CAMTA1: variants seen among roughly 807,000 people sequenced by gnomAD.
CAMTA1 encodes the protein calmodulin binding transcription activator 1, also known as calmodulin-binding transcription activator 1.
In CAMTA1, 27 loss-of-function variants were observed where a neutral mutation model predicts 170.9. The ratio of observed to expected loss-of-function variants is 0.16; its 90% CI spans 0.12 to 0.22. The LOEUF is 0.22. Ranked by LOEUF, CAMTA1 falls within the 10% of genes least tolerant of loss-of-function variation. The probability of loss-of-function intolerance (pLI) is 1.00; values close to 1 mark genes in which losing one functional copy is unlikely to be tolerated. For synonymous variants in CAMTA1, 833 were observed against 891.5 expected, an observed-to-expected ratio of 0.93 and a Z score of 1.17; for missense variants, 1,619 against 2,217.2, an observed-to-expected ratio of 0.73 and a Z score of 5.42.
rs1700259092 is a variant in CAMTA1, at chr1:7,014,506, T to C, written c.235-76798T>C. Among the ~76,000 whole-genome samples, 1 of 152,106 alleles carries C rather than the reference T, an allele frequency of 6.6e-6. No individual in the cohort carries two copies. Among genetic ancestry groups the C allele is most frequent in the South Asian group, 2.1e-4 (1 of 4,822 alleles). ...GCCTGCCCCATTAGACAGGGCATGGTGAGGCGAATGGCTGCAGGGACTGAG... is the reference window on the plus strand; with the variant it reads ...GCCTGCCCCATTAGACAGGGCATGGCGAGGCGAATGGCTGCAGGGACTGAG... On this transcript the variant is annotated intron_variant, in intron 3 of 22. Coordinates refer to ENST00000303635, the MANE Select transcript of CAMTA1 (RefSeq NM_015215.4). This position sits in a 1 kb window ranked among gnomAD's most constrained non-coding sequence, Gnocchi z 4.2.
At chr1:6,992,086 T>A (rs1696475931) in intron 3 of CAMTA1, among the ~76,000 whole-genome samples, 1 of 151,524 alleles carries the variant, frequency 6.6e-6, no homozygotes, top group African/African-American at 2.4e-5. Flanking sequence ...ATTTATTTAT[T>A]TTTGAGCTAG....
At chr1:7,355,768 T>C (rs1005769206) in intron 5 of CAMTA1, among the ~76,000 whole-genome samples, 2 of 152,192 alleles carry the variant, frequency 1.3e-5, no homozygotes, top group Admixed American at 6.5e-5. Flanking sequence ...CACTCTAGCC[T>C]CATCTCCCAC....
Position 7,455,717 on chromosome 1 carries a change from G to A in CAMTA1, c.439-12113G>A, listed in dbSNP as rs574295004. Reference sequence around the variant, plus strand: ...CTGGATGCCAGCAGGCTCTGGAGCTGAGTAGTAACCACAGCCAGGAATCCC... The same window carrying A: ...CTGGATGCCAGCAGGCTCTGGAGCTAAGTAGTAACCACAGCCAGGAATCCC... On this transcript the variant is annotated intron_variant, in intron 5 of 22. Transcript: ENST00000303635. This position sits in a 1 kb window ranked among gnomAD's most constrained non-coding sequence, Gnocchi z 5.0. Among the ~76,000 whole-genome samples the A allele has an allele frequency of 6.6e-6, 1 of 152,350 alleles. No individual in the cohort carries two copies. Among genetic ancestry groups the A allele is most frequent in the South Asian group, 2.1e-4 (1 of 4,830 alleles).
chr1:7,310,658 TC>T (rs1676432044), intron 5 of CAMTA1, among the ~76,000 whole-genome samples: 1 of 63,204 alleles, frequency 1.6e-5, no homozygotes, highest in African/African-American at 7.9e-5. Flanking sequence ...TTTCTTTCTT[TC>T]TTTCTTTCTT....
chr1:7,581,640 G>A lies in CAMTA1; in HGVS notation c.511-58760G>A, dbSNP rs565142043. 2.2e-4 allele frequency among the ~76,000 whole-genome samples: 34 copies of A among 152,334 alleles called. 1 individual carries two copies. In the Middle Eastern group the frequency reaches 0.01, roughly 46 times the overall value. ...GGGACCGGCCAAGAGTGGGCCTTGCGGTCCTTGAGGCCATTAGGGGCAAGT... is the reference window on the plus strand; with the variant it reads ...GGGACCGGCCAAGAGTGGGCCTTGCAGTCCTTGAGGCCATTAGGGGCAAGT... On this transcript the variant is annotated intron_variant, in intron 6 of 22. Coordinates refer to ENST00000303635, the MANE Select transcript of CAMTA1 (RefSeq NM_015215.4).
intron 3 of CAMTA1, among the ~76,000 whole-genome samples, chr1:7,003,968 T>C (rs149081479): frequency 2.0e-5 from 3 of 152,354 alleles, no homozygotes; most frequent in African/African-American, 7.2e-5. Flanking sequence ...GCTGTGCCTC[T>C]CGAAGGTGTA....
At chr1:6,966,375 C>T (rs891763501) in intron 3 of CAMTA1, among the ~76,000 whole-genome samples, 12 of 152,006 alleles carry the variant, frequency 7.9e-5, no homozygotes, top group African/African-American at 2.9e-4. Context: ...AACGACCATA[C>T]ATCTACTTCT....
At chr1:7,129,748 A>G (rs1645137883) in intron 4 of CAMTA1, among the ~76,000 whole-genome samples, 1 of 152,198 alleles carries the variant, frequency 6.6e-6, no homozygotes, top group Non-Finnish European at 1.5e-5. Context: ...ATAGTAACAC[A>G]TTCATCACCC....
At chr1:7,056,284 TC>T (rs1472848079) in intron 3 of CAMTA1, among the ~76,000 whole-genome samples, 1 of 152,182 alleles carries the variant, frequency 6.6e-6, no homozygotes, top group African/African-American at 2.4e-5. Flanking sequence ...TTTTGATGTT[TC>T]CTTGGTGGTT....
intron 5 of CAMTA1, among the ~76,000 whole-genome samples, chr1:7,376,619 C>A (rs772732301): frequency 4.6e-5 from 7 of 152,142 alleles, no homozygotes; most frequent in Non-Finnish European, 8.8e-5. Flanking sequence ...GATGATACCG[C>A]CCTCCTAAGA....
intron 3 of CAMTA1, among the ~76,000 whole-genome samples, chr1:6,830,764 C>T (rs1046241778): frequency 2.6e-5 from 4 of 152,050 alleles, no homozygotes; most frequent in African/African-American, 9.7e-5. Flanking sequence ...AATCAAGACA[C>T]GGCACATTTC....
At chr1:7,254,133 G>T (rs1009509182) in intron 5 of CAMTA1, among the ~76,000 whole-genome samples, 1 of 152,134 alleles carries the variant, frequency 6.6e-6, no homozygotes, top group African/African-American at 2.4e-5. Flanking sequence ...GGAGGGCTGG[G>T]AAATATTAAT....
intron 7 of CAMTA1, among the ~76,000 whole-genome samples, chr1:7,656,705 C>G (rs1386657602): frequency 1.3e-5 from 2 of 152,202 alleles, no homozygotes; most frequent in African/African-American, 2.4e-5. Context: ...GGGGTGAAGC[C>G]CCCACGCCTT....
At chr1:7,052,474 C>T (rs1000105885) in intron 3 of CAMTA1, among the ~76,000 whole-genome samples, 5 of 152,286 alleles carry the variant, frequency 3.3e-5, no homozygotes, top group East Asian at 1.9e-4. Context: ...AGTCCAGCCA[C>T]GCCTCAACAC....
chr1:7,647,393 G>A (rs986823285), intron 7 of CAMTA1, among the ~76,000 whole-genome samples: 2 of 152,236 alleles, frequency 1.3e-5, no homozygotes, highest in South Asian at 2.1e-4. Context: ...TCGCGGAGCC[G>A]TTCCTGGTCG....
rs953405517 is a variant in CAMTA1, at chr1:7,680,816, G to GA, written c.2914+3083_2914+3084insA. ...GTTTGCTTGGCTAAAGGCCGGGGGG[G>GA]GGCGTGGGTCCGGGGCGCAGAGAAC... On this transcript the variant is annotated intron_variant, in intron 11 of 22. Coordinates refer to ENST00000303635, the MANE Select transcript of CAMTA1 (RefSeq NM_015215.4). This position sits in a 1 kb window ranked among gnomAD's most constrained non-coding sequence, Gnocchi z 4.4. Among the ~76,000 whole-genome samples the GA allele has an allele frequency of 6.7e-6, 1 of 149,512 alleles. No individual in the cohort carries two copies. The highest frequency in any genetic ancestry group is 1.5e-5 in the Non-Finnish European group (1 of 66,780).
In CAMTA1 at chr1:7,663,388, G is replaced by A. The variant is rs577669450; in HGVS notation, c.841G>A (p.Ala281Thr). Reference protein sequence around the residue: ...GGSVHHKCNSAKHRIISPKVE... With the variant: ...GGSVHHKCNSTKHRIISPKVE... ...CAGCGTGCATCACAAGTGTAACAGC[G>A]CCAAACACCGCATCATCTCGCCCAA... Residue 281 changes from alanine to threonine, a missense_variant, in exon 9 of 23, where the codon GCC (alanine) becomes ACC (threonine). This residue lies in a region of CAMTA1 where 731 missense variants were observed against 907.6 expected (regional missense o/e 0.81). Coordinates refer to ENST00000303635, the MANE Select transcript of CAMTA1 (RefSeq NM_015215.4). 8 of 1,537,992 alleles carry A rather than the reference G, an allele frequency of 5.2e-6. No homozygotes were observed. The highest frequency in any genetic ancestry group is 5.0e-5 in the South Asian group (4 of 79,282).
chr1:7,737,818 C>A, intron 15 of CAMTA1, 141 bp from the exon 16 acceptor site: 1 of 854,112 alleles, frequency 1.2e-6, no homozygotes, highest in Non-Finnish European at 1.8e-6. Flanking sequence ...GTGTATGCTA[C>A]TGGGGATATT....
chr1:7,017,907 C>T (rs1700782981), intron 3 of CAMTA1, among the ~76,000 whole-genome samples: 1 of 151,922 alleles, frequency 6.6e-6, no homozygotes, highest in Non-Finnish European at 1.5e-5. Context: ...CAACCTGGTA[C>T]TTTCTGTGAG....
Sources: allele counts gnomAD v4.1 joint callset (sites outside exome capture counted in the v4.1 genomes callset), GRCh38; gene constraint gnomAD v4.1.1; regional missense constraint gnomAD v4.1.1; non-coding constraint Gnocchi (gnomAD v3.1); transcripts MANE v1.5; gene names NCBI Gene and HGNC (gene_info 2026-07-23, HGNC 2026-07-21).